The following DENND5B variants were observed in gnomAD, a reference collection of about 807,000 sequenced individuals.
The protein encoded by DENND5B is DENN domain containing 5B.
In DENND5B, 34 loss-of-function variants were observed where a neutral mutation model predicts 140.6. That is an observed-to-expected ratio of 0.24 (90% CI 0.18 to 0.32). The LOEUF (loss-of-function observed/expected upper bound fraction) is 0.32. Among genes scored for constraint, DENND5B ranks in the 10% least tolerant of loss-of-function variants. The pLI is 1.00. For synonymous variants in DENND5B, 551 were observed against 562.1 expected, an observed-to-expected ratio of 0.98 and a Z score of 0.28; for missense variants, 1,142 against 1,560.2, an observed-to-expected ratio of 0.73 and a Z score of 4.52.
At chr12:31,535,621 G>A (rs528154661) in intron 1 of DENND5B, among the ~76,000 whole-genome samples, 65 of 152,200 alleles carry the variant, frequency 4.3e-4, no homozygotes, top group Middle Eastern at 3.4e-3. Flanking sequence ...AGGCAGACAC[G>A]GCTTAGATCT....
chr12:31,411,796 T>A (rs1343650732), intron 13 of DENND5B, among the ~76,000 whole-genome samples: 1 of 152,156 alleles, frequency 6.6e-6, no homozygotes, highest in Admixed American at 6.5e-5. Context: ...GTAATCCAAG[T>A]GTGATATATA....
intron 1 of DENND5B, among the ~76,000 whole-genome samples, chr12:31,543,622 C>T (rs1259437): frequency 0.82 from 124,172 of 152,152 alleles, 50,988 homozygotes; most frequent in African/African-American, 0.9. Flanking sequence ...TAGCAGCATA[C>T]AAACAAGTTG....
intron 1 of DENND5B, among the ~76,000 whole-genome samples, chr12:31,514,152 A>C (rs549049562): frequency 6.6e-6 from 1 of 152,304 alleles, no homozygotes; most frequent in East Asian, 1.9e-4. Context: ...AGCCAGGATA[A>C]CTTATTTTTG....
At chr12:31,543,349 T>C (rs1948751154) in intron 1 of DENND5B, among the ~76,000 whole-genome samples, 1 of 152,242 alleles carries the variant, frequency 6.6e-6, no homozygotes, top group Non-Finnish European at 1.5e-5. Flanking sequence ...GTCATTAGCT[T>C]GCTTCTTTGA....
At chr12:31,400,864 C>T (rs1311274683) in intron 15 of DENND5B, among the ~76,000 whole-genome samples, 2 of 127,186 alleles carry the variant, frequency 1.6e-5, no homozygotes, top group African/African-American at 5.9e-5. Context: ...TTTTTTTAGA[C>T]AGAGTTTCGC....
At chr12:31,565,471 T>C (rs1949594834) in intron 1 of DENND5B, among the ~76,000 whole-genome samples, 1 of 152,228 alleles carries the variant, frequency 6.6e-6, no homozygotes, top group Admixed American at 6.5e-5. Context: ...CGCTTACACG[T>C]AGATAGTCTA....
chr12:31,404,759 C>CTTTT lies in DENND5B; in HGVS notation c.2804-2120_2804-2117dup, dbSNP rs71062425. On this transcript the variant is annotated intron_variant, in intron 14 of 20. Transcript: ENST00000389082. The stretch of plus-strand genomic sequence containing the variant: ...ATAAGCCACCGCGTCCGACCTCTAG[C>CTTTT]TTTTTTTTTTTTTTTTTGAGACAGA... Among the ~76,000 whole-genome samples the CTTTT allele has an allele frequency of 2.3e-4, 17 of 74,062 alleles. 2 individuals are homozygous for CTTTT. Among genetic ancestry groups the CTTTT allele is most frequent in the Admixed American group, 6.0e-4 (3 of 4,990 alleles). 48.6% of individuals were successfully genotyped at this position (74,062 alleles called of 152,430 possible).
At chr12:31,515,345 T>C (rs928535460) in intron 1 of DENND5B, among the ~76,000 whole-genome samples, 3 of 152,338 alleles carry the variant, frequency 2.0e-5, no homozygotes, top group African/African-American at 7.2e-5. Context: ...GCGATTATAA[T>C]TATACTGAAA....
intron 8 of DENND5B, 50 bp from the exon 9 acceptor site, chr12:31,426,474 A>C: frequency 6.4e-7 from 1 of 1,565,740 alleles, no homozygotes; most frequent in South Asian, 1.2e-5. Flanking sequence ...CTATTCTTCT[A>C]ATCTTCTTAA....
intron 2 of DENND5B, among the ~76,000 whole-genome samples, chr12:31,490,280 T>C (rs1565631592): frequency 6.6e-6 from 1 of 152,066 alleles, no homozygotes; most frequent in Non-Finnish European, 1.5e-5. Context: ...CTTCCAGCAA[T>C]GGTCCTCCAG....
intron 4 of DENND5B, among the ~76,000 whole-genome samples, chr12:31,459,073 G>C (rs986596870): frequency 9.2e-5 from 14 of 151,954 alleles, no homozygotes; most frequent in Non-Finnish European, 1.6e-4. Flanking sequence ...TTAGCTGGGC[G>C]TGGTGGTGCA....
rs889838838 is a variant in DENND5B at position 31,389,460 on chromosome 12, G to T, written c.3505C>A (p.Leu1169Ile). The change falls in exon 20 of 21, where the codon CTA becomes ATA. Residue 1169 changes from leucine to isoleucine, a missense_variant. This residue lies in a region of DENND5B where 125 missense variants were observed against 179.0 expected (regional missense o/e 0.70). Transcript: ENST00000389082. ...ATAAGGACATCATCTTCATTATCTA[G>T]AATCTGGTCAGTTGTTTCAAAATAA... Reference protein sequence around the residue: ...VAYFETTDQILDNEDDVLIQK... With the variant: ...VAYFETTDQIIDNEDDVLIQK... The T allele has an allele frequency of 2.5e-6, 4 of 1,600,560 alleles. No homozygotes were observed. In the African/African-American group the frequency reaches 4.0e-5, roughly 16 times the overall value.
At chr12:31,562,045 A>G (rs1949493446) in intron 1 of DENND5B, among the ~76,000 whole-genome samples, 1 of 152,252 alleles carries the variant, frequency 6.6e-6, no homozygotes, top group Admixed American at 6.5e-5. Context: ...GACTCTGTAC[A>G]TTATCTCATT....
intron 1 of DENND5B, among the ~76,000 whole-genome samples, chr12:31,498,311 T>C (rs1205436458): frequency 6.6e-6 from 1 of 152,202 alleles, no homozygotes; most frequent in East Asian, 1.9e-4. Context: ...AAAATAACAT[T>C]ATCTTCATTC....
At position 31,450,020 on chromosome 12, in the gene DENND5B, T is replaced by C. The variant is rs1233907587; in HGVS notation, c.1629+1920A>G. 5.9e-5 allele frequency among the ~76,000 whole-genome samples: 9 copies of C among 152,318 alleles called. No homozygotes were observed. In the East Asian group the frequency reaches 1.4e-3, roughly 23 times the overall value. The stretch of plus-strand genomic sequence containing the variant: ...TGTTGGGATTACAGGCGTGAGCCAC[T>C]GTGCCCAGCCCACAGATTAGTTCTA... On this transcript the variant is annotated intron_variant, in intron 5 of 20. Transcript: ENST00000389082.
chr12:31,394,936 T>C (rs1189784101), intron 17 of DENND5B, among the ~76,000 whole-genome samples: 1 of 152,096 alleles, frequency 6.6e-6, no homozygotes, highest in Non-Finnish European at 1.5e-5. Context: ...TTCAGTTACC[T>C]TCCTTAGCTC....
chr12:31,423,824 C>T (rs945777321), intron 10 of DENND5B, 149 bp from the exon 11 acceptor site: 36 of 722,302 alleles, frequency 5.0e-5, no homozygotes, highest in Non-Finnish European at 7.2e-5. Context: ...TGAGCATCTT[C>T]TGCATGTATC....
chr12:31,433,284 A>T (rs1487479791), intron 7 of DENND5B, 36 bp from the exon 8 acceptor site: 1 of 1,574,104 alleles, frequency 6.4e-7, no homozygotes. Context: ...TGTGTTCCTT[A>T]TCTTTAAAAT....
intron 10 of DENND5B, among the ~76,000 whole-genome samples, chr12:31,424,085 GA>G (rs1943136615): frequency 6.6e-6 from 1 of 151,946 alleles, no homozygotes. Context: ...GGCGATAAGA[GA>G]AAAAAATCGA....
Sources: allele counts gnomAD v4.1 joint callset (sites outside exome capture counted in the v4.1 genomes callset), GRCh38; gene constraint gnomAD v4.1.1; regional missense constraint gnomAD v4.1.1; transcripts MANE v1.5; gene names NCBI Gene and HGNC (gene_info 2026-07-23, HGNC 2026-07-21).